Variants in CEP128 observed in about 807,000 individuals in gnomAD.
CEP128 encodes the protein centrosomal protein 128, also known as centrosomal protein 128kDa.
Under a neutral mutation model 156.7 loss-of-function variants are expected in CEP128, and 132 were observed. The ratio of observed to expected loss-of-function variants is 0.84; its 90% CI spans 0.73 to 0.97. CEP128 has a LOEUF of 0.97. Ranked by LOEUF, CEP128 falls within the 50% of genes least tolerant of loss-of-function variation. CEP128 has a pLI of 0.00. For synonymous variants in CEP128, 469 were observed against 448.9 expected (o/e 1.04, Z -0.57); for missense variants, 1,252 against 1,281.9 (o/e 0.98, Z 0.36).
chr14:80,664,739 C>T (rs1462155164), intron 19 of CEP128, among the ~76,000 whole-genome samples: 1 of 152,124 alleles, frequency 6.6e-6, no homozygotes, highest in Non-Finnish European at 1.5e-5. Context: ...AGTGTGACTG[C>T]AGGATATCTC....
At chr14:80,531,062 A>T (rs545863703) in intron 21 of CEP128, 176 bp from the exon 22 acceptor site, 1 of 350,532 alleles carries the variant, frequency 2.9e-6, no homozygotes. Context: ...TTTTGAAAAT[A>T]GAAGAATTAT....
chr14:80,602,042 G>C (rs1243734255), intron 19 of CEP128, among the ~76,000 whole-genome samples: 1 of 152,264 alleles, frequency 6.6e-6, no homozygotes, highest in Non-Finnish European at 1.5e-5. Flanking sequence ...AAGAGAGCTA[G>C]AATAGTTATA....
At chr14:80,820,628 AACTTGCCTCCGCAACAAAAT>A (rs1885113478) in intron 13 of CEP128, among the ~76,000 whole-genome samples, 2 of 152,230 alleles carry the variant, frequency 1.3e-5, no homozygotes, top group African/African-American at 4.8e-5. Context: ...TGCCATTCTG[AACTTGCCTCCGCAACAAAAT>A]ACTTGAACCC....
At chr14:80,564,284 G>C (rs1431005517) in intron 20 of CEP128, among the ~76,000 whole-genome samples, 2 of 152,176 alleles carry the variant, frequency 1.3e-5, no homozygotes, top group Non-Finnish European at 2.9e-5. Context: ...GGATTACAAT[G>C]GAGCAGTGCT....
At chr14:80,609,104 G>T (rs1281585649) in intron 19 of CEP128, among the ~76,000 whole-genome samples, 1 of 152,154 alleles carries the variant, frequency 6.6e-6, no homozygotes, top group African/African-American at 2.4e-5. Context: ...ATACTGCAAA[G>T]ACTAAGATTA....
chr14:80,599,613 T>C (rs1444671028), intron 19 of CEP128, among the ~76,000 whole-genome samples: 1 of 151,912 alleles, frequency 6.6e-6, no homozygotes, highest in African/African-American at 2.4e-5. Context: ...CAGTTATCCA[T>C]ATTTCTAAAG....
chr14:80,540,435 A>G (rs2140308227), intron 21 of CEP128, among the ~76,000 whole-genome samples: 1 of 152,312 alleles, frequency 6.6e-6, no homozygotes, highest in Non-Finnish European at 1.5e-5. Flanking sequence ...GGCCCTAAGG[A>G]GGGCACCTGT....
At position 80,590,447 on chromosome 14, in the gene CEP128, A is replaced by AT. The variant is rs912298256; in HGVS notation, c.2807-10025dup. Reference sequence around the variant, plus strand: ...CCACACAGGCCATTAAAAAAGTCACATTTTTTAAAAATGCTAAAAAACAAA... The same window carrying AT: ...CCACACAGGCCATTAAAAAAGTCACATTTTTTTAAAAATGCTAAAAAACAAA... On this transcript the variant is annotated intron_variant, in intron 19 of 24. Transcript: ENST00000555265. Among the ~76,000 whole-genome samples, 5 of 152,104 alleles carry AT rather than the reference A, an allele frequency of 3.3e-5. No homozygotes were observed. In the South Asian group the frequency reaches 6.2e-4, roughly 19 times the overall value.
chr14:80,930,378 T>G (rs919580081), intron 2 of CEP128, among the ~76,000 whole-genome samples: 1 of 152,214 alleles, frequency 6.6e-6, no homozygotes, highest in African/African-American at 2.4e-5. Flanking sequence ...ACCTCTTTCC[T>G]GCACTATGCA....
At chr14:80,695,140 A>T (rs2037567061) in intron 19 of CEP128, among the ~76,000 whole-genome samples, 1 of 151,986 alleles carries the variant, frequency 6.6e-6, no homozygotes, top group Admixed American at 6.6e-5. Flanking sequence ...CAGGGATTGC[A>T]TTTGTGCCTA....
chr14:80,617,000 G>C (rs1275491431), intron 19 of CEP128, among the ~76,000 whole-genome samples: 1 of 152,084 alleles, frequency 6.6e-6, no homozygotes, highest in Admixed American at 6.5e-5. Context: ...TATGGTCCCA[G>C]TGGAAATCAC....
intron 19 of CEP128, among the ~76,000 whole-genome samples, chr14:80,673,645 C>CGAAAA (rs571191434): frequency 2.3e-5 from 1 of 43,966 alleles, no homozygotes; most frequent in East Asian, 8.7e-4. Flanking sequence ...GACTCCGTCT[C>CGAAAA]AAAAAAAAAA....
chr14:80,928,852 G>A (rs1286166884), intron 2 of CEP128, among the ~76,000 whole-genome samples: 2 of 152,064 alleles, frequency 1.3e-5, no homozygotes, highest in Admixed American at 6.6e-5. Context: ...GACCACAAAT[G>A]CAAATGCAAC....
intron 22 of CEP128, among the ~76,000 whole-genome samples, chr14:80,530,073 A>G (rs1433969590): frequency 6.6e-6 from 1 of 152,212 alleles, no homozygotes; most frequent in Non-Finnish European, 1.5e-5. Context: ...GTGAAATATG[A>G]TTACATGGTT....
At chr14:80,905,018 C>T (rs1438183998) in intron 5 of CEP128, 87 bp from the exon 6 acceptor site, 1 of 774,142 alleles carries the variant, frequency 1.3e-6, no homozygotes, top group African/African-American at 1.7e-5. Context: ...ACATGGCAGA[C>T]ATGGATATAC....
At chr14:80,840,525 A>G (rs1657950098) in intron 10 of CEP128, among the ~76,000 whole-genome samples, 157 bp downstream of exon 10, 1 of 152,282 alleles carries the variant, frequency 6.6e-6, no homozygotes. Context: ...AGCAAGTCCT[A>G]GCAAGTAGAA....
intron 8 of CEP128, among the ~76,000 whole-genome samples, chr14:80,878,396 T>C (rs1595536008): frequency 6.6e-6 from 1 of 152,222 alleles, no homozygotes; most frequent in South Asian, 2.1e-4. Context: ...ATCTCTGTGC[T>C]TCTCTCCACC....
chr14:80,787,318 C>T (rs35112141), intron 14 of CEP128, among the ~76,000 whole-genome samples: 14,781 of 152,074 alleles, frequency 0.097, 1,204 homozygotes, highest in East Asian at 0.43. Context: ...TCCTTGCTAG[C>T]TTTTGGTCAG....
At chr14:80,639,105 T>C (rs531719084) in intron 19 of CEP128, among the ~76,000 whole-genome samples, 46 of 152,274 alleles carry the variant, frequency 3.0e-4, no homozygotes, top group African/African-American at 1.1e-3. Flanking sequence ...ACTTAAAAAA[T>C]GGTATTTAAC....
Sources: gnomAD v4.1 joint callset for allele counts (sites outside exome capture counted in the v4.1 genomes callset) on GRCh38, gnomAD v4.1.1 for gene constraint, MANE v1.5 for transcripts, NCBI Gene and HGNC (gene_info 2026-07-23, HGNC 2026-07-21) for gene names.